Variants in GRIK4 observed in about 807,000 individuals in gnomAD.
The protein encoded by GRIK4 is glutamate ionotropic receptor kainate type subunit 4, also known as glutamate receptor ionotropic, kainate 4.
GRIK4 carries 40 observed loss-of-function variants against 104.9 expected under a neutral mutation model. The ratio of observed to expected loss-of-function variants is 0.38; its 90% CI spans 0.30 to 0.50. The LOEUF (loss-of-function observed/expected upper bound fraction) is 0.50. Among genes scored for constraint, GRIK4 ranks in the 20% least tolerant of loss-of-function variants. The probability of loss-of-function intolerance (pLI) is 0.93; values close to 1 mark genes in which losing one functional copy is unlikely to be tolerated. For missense variants in GRIK4, 1,047 were observed against 1,308.1 expected (o/e 0.80, Z 3.08); for synonymous variants, 485 against 524.9 (o/e 0.92, Z 1.04).
intron 13 of GRIK4, among the ~76,000 whole-genome samples, chr11:120,926,719 C>T (rs1269338570): frequency 6.6e-6 from 1 of 152,160 alleles, no homozygotes; most frequent in Non-Finnish European, 1.5e-5. Context: ...CTTCATTCAA[C>T]AAATATTTAT....
chr11:120,652,517 C>A (rs1249579235), intron 1 of GRIK4, among the ~76,000 whole-genome samples: 3 of 152,224 alleles, frequency 2.0e-5, no homozygotes, highest in Non-Finnish European at 4.4e-5. Context: ...CACCCCCTAC[C>A]CCTGCACACT....
chr11:120,766,153 G>A (rs1300855716), intron 3 of GRIK4, among the ~76,000 whole-genome samples: 1 of 152,250 alleles, frequency 6.6e-6, no homozygotes. Context: ...GCCTTGCCCA[G>A]AGAGGAGGAA....
intron 3 of GRIK4, among the ~76,000 whole-genome samples, chr11:120,669,010 C>G (rs1323371339): frequency 6.6e-6 from 1 of 152,190 alleles, no homozygotes; most frequent in Non-Finnish European, 1.5e-5. Flanking sequence ...CCATCTCTAG[C>G]CTTTGCCTGC....
At chr11:120,572,570 G>T (rs111260676) in intron 1 of GRIK4, among the ~76,000 whole-genome samples, 1,809 of 152,246 alleles carry the variant, frequency 0.012, 35 homozygotes, top group African/African-American at 0.039. Flanking sequence ...TCCTGTCTGG[G>T]CTCTTTCTCT....
chr11:120,735,810 C>T (rs868447465), intron 3 of GRIK4, among the ~76,000 whole-genome samples: 24 of 152,196 alleles, frequency 1.6e-4, no homozygotes, highest in Admixed American at 1.2e-3. Context: ...CTCATGGCCT[C>T]CACCACCACT....
intron 14 of GRIK4, among the ~76,000 whole-genome samples, chr11:120,942,599 C>T (rs184473959): frequency 2.6e-5 from 4 of 152,268 alleles, no homozygotes; most frequent in East Asian, 3.9e-4. Flanking sequence ...GCTGCCCTCC[C>T]CACCTAGGGC....
chr11:120,695,981 G>T lies in GRIK4; in HGVS notation c.82+35581G>T, dbSNP rs545866069. On this transcript the variant is annotated intron_variant, in intron 3 of 20. Transcript: ENST00000527524. ...GGCTCTCACATGCCTCCTCCCAGGG[G>T]CCTCGTGACCTTCTCTTCCTAGGAG... is the stretch of plus-strand genomic sequence containing the variant. 4.4e-3 allele frequency among the ~76,000 whole-genome samples: 669 copies of T among 152,250 alleles called. 7 individuals carry two copies. The highest frequency in any genetic ancestry group is 0.015 in the African/African-American group (640 of 41,540).
At chr11:120,955,854 C>G (rs890336044) in intron 15 of GRIK4, among the ~76,000 whole-genome samples, 1 of 151,524 alleles carries the variant, frequency 6.6e-6, no homozygotes, top group Middle Eastern at 3.2e-3. Context: ...GAAACACAGA[C>G]AGGGAGAGCC....
intron 3 of GRIK4, among the ~76,000 whole-genome samples, chr11:120,776,441 G>A (rs1464272252): frequency 6.6e-6 from 1 of 152,224 alleles, no homozygotes; most frequent in Non-Finnish European, 1.5e-5. Context: ...TCTCTGATTA[G>A]TAACCTTTGT....
intron 19 of GRIK4, among the ~76,000 whole-genome samples, chr11:120,978,451 G>T (rs1241032935): frequency 6.6e-6 from 1 of 152,002 alleles, no homozygotes; most frequent in East Asian, 1.9e-4. Context: ...CAGGAGCAAA[G>T]GTATGGAAGG....
chr11:120,531,953 G>A (rs1947928274), intron 1 of GRIK4, among the ~76,000 whole-genome samples: 1 of 152,186 alleles, frequency 6.6e-6, no homozygotes, highest in South Asian at 2.1e-4. Flanking sequence ...GGATGTCCCT[G>A]TGGAGCAGCA....
intron 3 of GRIK4, among the ~76,000 whole-genome samples, chr11:120,733,734 C>T (rs1010328054): frequency 1.5e-4 from 23 of 150,348 alleles, no homozygotes; most frequent in African/African-American, 7.3e-5. Context: ...TAGTCTTTCT[C>T]CCTTTTTTTT....
chr11:120,588,174 C>T (rs541678646), intron 1 of GRIK4, among the ~76,000 whole-genome samples: 1 of 152,170 alleles, frequency 6.6e-6, no homozygotes, highest in Admixed American at 6.5e-5. Flanking sequence ...CTGGGCTTGG[C>T]CCGCTCCTGG....
At chr11:120,934,804 C>A (rs1017467495) in intron 13 of GRIK4, among the ~76,000 whole-genome samples, 28 of 152,184 alleles carry the variant, frequency 1.8e-4, no homozygotes, top group African/African-American at 6.3e-4. Context: ...ATGCCACAGC[C>A]GGGCACATGG....
intron 1 of GRIK4, among the ~76,000 whole-genome samples, chr11:120,522,308 C>T (rs1947804873): frequency 6.6e-6 from 1 of 152,156 alleles, no homozygotes; most frequent in African/African-American, 2.4e-5. Context: ...AATTGATTTC[C>T]CATGGGTCTT....
intron 3 of GRIK4, among the ~76,000 whole-genome samples, chr11:120,670,573 C>T (rs1949998553): frequency 6.6e-6 from 1 of 152,250 alleles, no homozygotes; most frequent in African/African-American, 2.4e-5. Context: ...GTGCCCTCTG[C>T]CTGGAACACT....
chr11:120,634,575 C>G (rs372296118), intron 1 of GRIK4, among the ~76,000 whole-genome samples: 1 of 152,078 alleles, frequency 6.6e-6, no homozygotes, highest in South Asian at 2.1e-4. Context: ...GCCTGCCTAC[C>G]CCAGACTCTT....
chr11:120,948,179 T>G (rs1943909603), intron 14 of GRIK4, among the ~76,000 whole-genome samples: 1 of 152,208 alleles, frequency 6.6e-6, no homozygotes, highest in South Asian at 2.1e-4. Flanking sequence ...CTGCGTTCTC[T>G]TACCTCTTCA....
intron 3 of GRIK4, among the ~76,000 whole-genome samples, chr11:120,779,723 C>A (rs1286064680): frequency 6.6e-6 from 1 of 152,210 alleles, no homozygotes; most frequent in Non-Finnish European, 1.5e-5. Context: ...AATCATGAGG[C>A]AGGAATCTTC....
Sources: gnomAD v4.1 joint callset for allele counts (sites outside exome capture counted in the v4.1 genomes callset) on GRCh38, gnomAD v4.1.1 for gene constraint, MANE v1.5 for transcripts, NCBI Gene and HGNC (gene_info 2026-07-23, HGNC 2026-07-21) for gene names.